PDZRN3: variants seen among roughly 807,000 people sequenced by gnomAD.
PDZRN3 encodes PDZ domain containing ring finger 3.
In PDZRN3, 38 loss-of-function variants were observed where a neutral mutation model predicts 85.7. The ratio of observed to expected loss-of-function variants is 0.44; its 90% confidence interval spans 0.34 to 0.58. The LOEUF (loss-of-function observed/expected upper bound fraction) is 0.58, where lower values mean the gene tolerates loss of function less well. PDZRN3 is among the 20% of genes least tolerant of loss of function. The pLI is 0.01. For missense variants in PDZRN3, 1,629 were observed against 1,506.4 expected, an observed-to-expected ratio of 1.08 and a Z score of -1.35; for synonymous variants, 759 against 638.0, an observed-to-expected ratio of 1.19 and a Z score of -2.86.
chr3:73,438,857 C>T (rs1001356572), intron 3 of PDZRN3, among the ~76,000 whole-genome samples: 3 of 152,226 alleles, frequency 2.0e-5, no homozygotes, highest in East Asian at 3.8e-4. Flanking sequence ...CTTAGTCTGC[C>T]CAGCCTCATC....
At chr3:73,570,371 G>A (rs771240411) in intron 3 of PDZRN3, among the ~76,000 whole-genome samples, 7 of 152,132 alleles carry the variant, frequency 4.6e-5, no homozygotes, top group African/African-American at 9.7e-5. Context: ...AACAATTACC[G>A]GCATATTTCA....
At chr3:73,405,639 T>G (rs1701838950) in intron 3 of PDZRN3, among the ~76,000 whole-genome samples, 1 of 152,238 alleles carries the variant, frequency 6.6e-6, no homozygotes, top group Non-Finnish European at 1.5e-5. Flanking sequence ...AAGTCACTCC[T>G]CATAGCAATT....
intron 5 of PDZRN3, among the ~76,000 whole-genome samples, chr3:73,398,873 G>GTGTT (rs1701692936): frequency 6.6e-6 from 1 of 152,178 alleles, no homozygotes; most frequent in African/African-American, 2.4e-5. Flanking sequence ...CAGTGGTATA[G>GTGTT]TGTTTCCTTT....
intron 3 of PDZRN3, among the ~76,000 whole-genome samples, chr3:73,480,444 G>A (rs1469039654): frequency 6.6e-6 from 1 of 152,088 alleles, no homozygotes. Flanking sequence ...TAAGTCTCTC[G>A]GCTTGGGAAG....
At chr3:73,505,128 G>A (rs1704047444) in intron 3 of PDZRN3, among the ~76,000 whole-genome samples, 1 of 152,174 alleles carries the variant, frequency 6.6e-6, no homozygotes, top group Admixed American at 6.5e-5. Flanking sequence ...TTGAGAGTAT[G>A]AGATTACGAA....
At chr3:73,516,792 G>A (rs888520828) in intron 3 of PDZRN3, among the ~76,000 whole-genome samples, 4 of 138,476 alleles carry the variant, frequency 2.9e-5, no homozygotes, top group Non-Finnish European at 6.7e-5. Flanking sequence ...GTTTACACTT[G>A]TTACAGGACA....
At chr3:73,581,674 C>T (rs1702203567) in intron 3 of PDZRN3, among the ~76,000 whole-genome samples, 1 of 152,050 alleles carries the variant, frequency 6.6e-6, no homozygotes, top group African/African-American at 2.4e-5. Context: ...TCATATGATG[C>T]AACATCATGC....
chr3:73,624,152 G>A lies in PDZRN3; in HGVS notation c.674C>T (p.Ala225Val), dbSNP rs1702921464. The A allele has an allele frequency of 6.7e-7, 1 of 1,495,032 alleles. No homozygotes were observed. The highest frequency in any genetic ancestry group is 8.9e-7 in the Non-Finnish European group (1 of 1,128,468). 92.6% of individuals were successfully genotyped at this position (1,495,032 alleles called of 1,614,324 possible). ...GCAGCGGCTGAGCGAGTCGAGGCGC[G>A]CGCTGTATTCGGTGAATTTCTTCTG... Reference protein sequence around the residue: ...RYQKKFTEYSARLDSLSRCVA... With the variant: ...RYQKKFTEYSVRLDSLSRCVA... Residue 225 changes from alanine (A) to valine (V), a missense_variant, in exon 1 of 10, where the codon GCG (alanine) becomes GTG (valine). Physicochemically the swap from Ala to Val is moderately conservative, Grantham distance 64. Coordinates refer to ENST00000263666, the MANE Select transcript of PDZRN3 (RefSeq NM_015009.3).
intron 3 of PDZRN3, among the ~76,000 whole-genome samples, chr3:73,490,268 T>C (rs1433627838): frequency 6.6e-6 from 1 of 152,138 alleles, no homozygotes; most frequent in African/African-American, 2.4e-5. Context: ...TTGGCTGAAG[T>C]TAATGCTGAC....
chr3:73,474,815 G>A (rs1285068722), intron 3 of PDZRN3, among the ~76,000 whole-genome samples: 1 of 152,144 alleles, frequency 6.6e-6, no homozygotes, highest in Non-Finnish European at 1.5e-5. Context: ...CCAAGGGGTG[G>A]ATGGTGAGGT....
chr3:73,617,780 G>A (rs1318823500), intron 1 of PDZRN3, among the ~76,000 whole-genome samples: 4 of 151,960 alleles, frequency 2.6e-5, no homozygotes, highest in East Asian at 1.9e-4. Flanking sequence ...GTCTTGGCTC[G>A]CAGCAACCTC....
At chr3:73,488,993 C>T (rs953971746) in intron 3 of PDZRN3, among the ~76,000 whole-genome samples, 9 of 152,292 alleles carry the variant, frequency 5.9e-5, no homozygotes, top group South Asian at 2.1e-4. Context: ...ATAGGCCTAA[C>T]GCATCCTGGC....
chr3:73,516,572 T>C (rs1258711575), intron 3 of PDZRN3, among the ~76,000 whole-genome samples: 2 of 152,234 alleles, frequency 1.3e-5, no homozygotes, highest in African/African-American at 2.4e-5. Flanking sequence ...TCATCTCCTC[T>C]TGCTAGTTTG....
intron 3 of PDZRN3, among the ~76,000 whole-genome samples, chr3:73,455,089 T>G (rs1319818184): frequency 6.6e-6 from 1 of 152,196 alleles, no homozygotes; most frequent in Non-Finnish European, 1.5e-5. Context: ...CCCTCCCAGT[T>G]TTCACAGTAA....
At chr3:73,580,965 C>T (rs1702193285) in intron 3 of PDZRN3, among the ~76,000 whole-genome samples, 2 of 152,216 alleles carry the variant, frequency 1.3e-5, no homozygotes, top group African/African-American at 2.4e-5. Flanking sequence ...CGGTTAACAA[C>T]TTTGACATAA....
At chr3:73,471,307 C>T (rs766962434) in intron 3 of PDZRN3, among the ~76,000 whole-genome samples, 1 of 152,160 alleles carries the variant, frequency 6.6e-6, no homozygotes, top group Non-Finnish European at 1.5e-5. Context: ...AGGTCCCCCC[C>T]CAGGTTTCAC....
At chr3:73,510,874 T>C (rs1575700039) in intron 3 of PDZRN3, among the ~76,000 whole-genome samples, 1 of 152,342 alleles carries the variant, frequency 6.6e-6, no homozygotes, top group East Asian at 1.9e-4. Flanking sequence ...TATATATGCA[T>C]GTGGTCTCTT....
intron 8 of PDZRN3, among the ~76,000 whole-genome samples, chr3:73,387,345 G>A (rs1701418016): frequency 6.6e-6 from 1 of 152,198 alleles, no homozygotes; most frequent in Non-Finnish European, 1.5e-5. Context: ...GATTCCTCCT[G>A]TGGAAGGAGT....
intron 3 of PDZRN3, among the ~76,000 whole-genome samples, chr3:73,513,297 ACTT>A (rs1387479346): frequency 1.3e-5 from 2 of 152,152 alleles, no homozygotes; most frequent in Non-Finnish European, 2.9e-5. Flanking sequence ...CTGACCATAA[ACTT>A]CTTACTCTGG....
Sources: gnomAD v4.1 joint callset for allele counts (sites outside exome capture counted in the v4.1 genomes callset) on GRCh38, gnomAD v4.1.1 for gene constraint, MANE v1.5 for transcripts, NCBI Gene and HGNC (gene_info 2026-07-23, HGNC 2026-07-21) for gene names.